The following CFAP299 variants were observed in gnomAD, a reference collection of about 807,000 sequenced individuals.
CFAP299 encodes cilia- and flagella-associated protein 299.
CFAP299 carries 21 observed loss-of-function variants against 27.0 expected under a neutral mutation model. The ratio of observed to expected loss-of-function variants is 0.78; its 90% CI spans 0.55 to 1.12. The LOEUF (loss-of-function observed/expected upper bound fraction) is 1.12, where lower values mean the gene tolerates loss of function less well. Among genes scored for constraint, CFAP299 ranks in the 50% most tolerant of loss-of-function variants. CFAP299 has a pLI of 0.00. For synonymous variants in CFAP299, 104 were observed against 98.1 expected (o/e 1.06, Z -0.36); for missense variants, 310 against 276.6 (o/e 1.12, Z -0.86).
Position 80,870,729 on chromosome 4 carries a change from C to T in CFAP299, c.476+594C>T, listed in dbSNP as rs1733036677. The T allele has an allele frequency of 1.5e-5, 15 of 985,274 alleles. No homozygotes were observed. The South Asian group carries it at 7.0e-4, about 46-fold the overall frequency. 61.0% of individuals were successfully genotyped at this position (985,274 alleles called of 1,614,324 possible). Reference sequence around the variant, plus strand: ...GCATGCAAGCTAAAACTTTTTATTCCCTCTTACTTAACTATAGAACCCCAA... The same window carrying T: ...GCATGCAAGCTAAAACTTTTTATTCTCTCTTACTTAACTATAGAACCCCAA... On this transcript the variant is annotated intron_variant, in intron 4 of 5. Transcript: ENST00000358105.
At chr4:80,335,682 C>G, upstream of CFAP299, 1 of 813,084 alleles carries the variant, frequency 1.2e-6, no homozygotes. Flanking sequence ...CCGGCTTCAA[C>G]TGATTGGCAG....
At chr4:80,403,557 G>T (rs895502505) in intron 2 of CFAP299, among the ~76,000 whole-genome samples, 3 of 152,002 alleles carry the variant, frequency 2.0e-5, no homozygotes, top group Non-Finnish European at 4.4e-5. Flanking sequence ...TCTTCTGTCT[G>T]ATCCATCAGT....
chr4:80,516,293 T>C (rs1349702713), intron 2 of CFAP299, among the ~76,000 whole-genome samples: 1 of 152,140 alleles, frequency 6.6e-6, no homozygotes, highest in African/African-American at 2.4e-5. Context: ...AGTGCTGAGA[T>C]TACAGGTGTG....
intron 3 of CFAP299, among the ~76,000 whole-genome samples, chr4:80,588,606 A>G (rs1288901932): frequency 6.6e-6 from 1 of 150,872 alleles, no homozygotes; most frequent in East Asian, 1.9e-4. Context: ...TTGGTGTCCA[A>G]AAATTTTACA....
chr4:80,397,970 A>C (rs1255672070), intron 2 of CFAP299, among the ~76,000 whole-genome samples: 2 of 152,230 alleles, frequency 1.3e-5, no homozygotes, highest in Non-Finnish European at 2.9e-5. Context: ...CCTTAAGCTC[A>C]TAAGCAACTT....
rs5859742 is a variant in CFAP299 at position 80,924,538 on chromosome 4, G to GTGTA, written c.477-20271_477-20270insGTAT. On this transcript the variant is annotated intron_variant, in intron 4 of 5. Transcript: ENST00000358105. ...TATGTGTGTGTGTGTGTGTGTGTGT[G>GTGTA]TATATATATATATATATATATATAT... Among the ~76,000 whole-genome samples, 533 of 131,650 alleles carry GTGTA rather than the reference G, an allele frequency of 4.0e-3. 4 individuals carry two copies. Among genetic ancestry groups the GTGTA allele is most frequent in the East Asian group, 0.019 (89 of 4,786 alleles). 86.4% of individuals were successfully genotyped at this position (131,650 alleles called of 152,430 possible). A position where few individuals can be genotyped will look rare whatever the true frequency, so the allele number is the denominator to read the frequency against.
chr4:80,732,589 T>G (rs576332378), intron 3 of CFAP299, among the ~76,000 whole-genome samples: 10 of 152,200 alleles, frequency 6.6e-5, no homozygotes, highest in Non-Finnish European at 1.3e-4. Flanking sequence ...GGTCCTTATC[T>G]TTCTCTTCCT....
rs1211318090 is a variant in CFAP299 at position 80,427,772 on chromosome 4, G to A, written c.242+64888G>A. ...TAGAAAAATACATTAGAATACATTG[G>A]TGAAGGCATTCAGGACATTTTATTT... On this transcript the variant is annotated intron_variant, in intron 2 of 5. Coordinates refer to ENST00000358105, the MANE Select transcript of CFAP299 (RefSeq NM_152770.3). Among the ~76,000 whole-genome samples, 3 of 152,268 alleles carry A rather than the reference G, an allele frequency of 2.0e-5. No individual in the cohort carries two copies. The East Asian group carries it at 5.8e-4, about 29-fold the overall frequency.
chr4:80,371,788 G>A (rs1427943813), intron 2 of CFAP299, among the ~76,000 whole-genome samples: 1 of 152,098 alleles, frequency 6.6e-6, no homozygotes, highest in African/African-American at 2.4e-5. Flanking sequence ...ATCACTATCA[G>A]CATTTTGGTT....
chr4:80,740,063 G>A (rs1724166218), intron 3 of CFAP299, among the ~76,000 whole-genome samples: 1 of 151,812 alleles, frequency 6.6e-6, no homozygotes, highest in South Asian at 2.1e-4. Context: ...CCTTCTCTGT[G>A]TTATCTTGAA....
intron 3 of CFAP299, among the ~76,000 whole-genome samples, chr4:80,725,197 C>A (rs1578062068): frequency 1.4e-5 from 2 of 141,176 alleles, no homozygotes; most frequent in South Asian, 4.8e-4. Flanking sequence ...CTCAGGTAAT[C>A]CACCCACCTT....
intron 3 of CFAP299, among the ~76,000 whole-genome samples, chr4:80,866,899 T>G (rs1357792620): frequency 1.3e-5 from 2 of 152,196 alleles, no homozygotes; most frequent in Non-Finnish European, 2.9e-5. Context: ...TAATTTTAGA[T>G]TATCAGTCAT....
chr4:80,913,004 C>T (rs1265856315), intron 4 of CFAP299, among the ~76,000 whole-genome samples: 1 of 152,104 alleles, frequency 6.6e-6, no homozygotes, highest in Non-Finnish European at 1.5e-5. Context: ...AAAGCACTGC[C>T]TACCCTAGTC....
At chr4:80,874,111 A>G (rs1733250790) in intron 4 of CFAP299, among the ~76,000 whole-genome samples, 1 of 152,206 alleles carries the variant, frequency 6.6e-6, no homozygotes, top group African/African-American at 2.4e-5. Context: ...TTTAAAAAGG[A>G]AAAAATAAAG....
At chr4:80,930,327 A>G (rs1736554156) in intron 4 of CFAP299, among the ~76,000 whole-genome samples, 1 of 152,180 alleles carries the variant, frequency 6.6e-6, no homozygotes, top group Non-Finnish European at 1.5e-5. Flanking sequence ...ATAATAAACC[A>G]GTGAATGTGT....
intron 3 of CFAP299, among the ~76,000 whole-genome samples, chr4:80,822,679 CA>C (rs1213849071): frequency 6.6e-6 from 1 of 152,016 alleles, no homozygotes; most frequent in Non-Finnish European, 1.5e-5. Flanking sequence ...TTATTGAACC[CA>C]AAGTTGTAAC....
chr4:80,398,597 C>A (rs1725952674), intron 2 of CFAP299, among the ~76,000 whole-genome samples: 1 of 138,292 alleles, frequency 7.2e-6, no homozygotes, highest in Non-Finnish European at 1.6e-5. Context: ...GGAAAGGATT[C>A]CCTATTTAAT....
rs772343081 is a variant in CFAP299, at chr4:80,710,500, T to TTA, written c.333+127317_333+127318insTA. On this transcript the variant is annotated intron_variant, in intron 3 of 5. Coordinates refer to ENST00000358105, the MANE Select transcript of CFAP299 (RefSeq NM_152770.3). ...TTCTTTTTCTTTTTTTTTTTTTTTT[T>TTA]AAAAAAAAAAAGGTAAGTTGGAATA... Among the ~76,000 whole-genome samples the TTA allele has an allele frequency of 7.1e-5, 8 of 112,066 alleles. No homozygotes were observed. In the East Asian group the frequency reaches 7.5e-4, roughly 11 times the overall value. The allele number at this position is 112,066 out of a possible 152,430, so 73.5% of individuals were successfully genotyped here.
At position 80,716,087 on chromosome 4, in the gene CFAP299, A is replaced by T. The variant is rs188406203; in HGVS notation, c.333+132904A>T. 4.6e-5 allele frequency among the ~76,000 whole-genome samples: 7 copies of T among 152,210 alleles called. No individual in the cohort carries two copies. The East Asian group carries it at 1.2e-3, about 25-fold the overall frequency. Reference sequence around the variant, plus strand: ...AAGAATTTGGGAGTAGTTACCTAAAAGCTATAAACCCACAAATACAAATAA... The same window carrying T: ...AAGAATTTGGGAGTAGTTACCTAAATGCTATAAACCCACAAATACAAATAA... On this transcript the variant is annotated intron_variant, in intron 3 of 5. Coordinates refer to ENST00000358105, the MANE Select transcript of CFAP299 (RefSeq NM_152770.3).
Sources: gnomAD v4.1 joint callset for allele counts (sites outside exome capture counted in the v4.1 genomes callset) on GRCh38, gnomAD v4.1.1 for gene constraint, MANE v1.5 for transcripts, NCBI Gene and HGNC (gene_info 2026-07-23, HGNC 2026-07-21) for gene names.